Variants in RFX8 observed in about 807,000 individuals in gnomAD.
The protein encoded by RFX8 is regulatory factor X8, also known as DNA-binding protein RFX8.
RFX8 carries 46 observed loss-of-function variants against 54.6 expected under a neutral mutation model. The observed-to-expected ratio is 0.84, with a 90% CI of 0.67 to 1.08. RFX8 has a LOEUF of 1.08. Ranked by LOEUF, RFX8 falls within the 50% of genes least tolerant of loss-of-function variation. RFX8 has a pLI of 0.00. For missense variants in RFX8, 536 were observed against 562.3 expected (o/e 0.95, Z 0.47); for synonymous variants, 192 against 209.5 (o/e 0.92, Z 0.72).
At chr2:101,469,886 C>T (rs1435880775) in intron 1 of RFX8, among the ~76,000 whole-genome samples, 1 of 152,156 alleles carries the variant, frequency 6.6e-6, no homozygotes, top group Non-Finnish European at 1.5e-5. Flanking sequence ...AAAGAAAGGG[C>T]TGCCTTCGGA....
intron 4 of RFX8, 72 bp downstream of exon 4, chr2:101,421,652 G>T: frequency 2.0e-6 from 3 of 1,503,470 alleles, no homozygotes; most frequent in South Asian, 1.3e-5. Context: ...AAATAAAAAT[G>T]ATTAATAAGG....
intron 8 of RFX8, among the ~76,000 whole-genome samples, chr2:101,412,374 T>A (rs1317303680): frequency 2.0e-5 from 3 of 152,144 alleles, no homozygotes; most frequent in Admixed American, 1.3e-4. Flanking sequence ...TGAAAAACAA[T>A]GACAATGATC....
At chr2:101,399,416 A>T (rs1022621998) in intron 11 of RFX8, among the ~76,000 whole-genome samples, 2 of 152,158 alleles carry the variant, frequency 1.3e-5, no homozygotes, top group Non-Finnish European at 1.5e-5. Context: ...TTAATCTCTA[A>T]TGTGTATTAC....
chr2:101,466,252 T>C (rs1689566303), intron 2 of RFX8, among the ~76,000 whole-genome samples: 1 of 146,064 alleles, frequency 6.8e-6, no homozygotes, highest in Admixed American at 7.1e-5. Flanking sequence ...GAGGTTGCAG[T>C]GAGCCAAGAT....
At chr2:101,452,557 C>A in intron 2 of RFX8, 1 of 421,332 alleles carries the variant, frequency 2.4e-6, no homozygotes, top group Non-Finnish European at 4.1e-6. Flanking sequence ...TTCTAATAAG[C>A]AAACAATAAA....
Position 101,414,931 on chromosome 2 carries a change from G to A in RFX8, c.503-19C>T, listed in dbSNP as rs77746399. 1,551 of 1,535,690 alleles carry A rather than the reference G, an allele frequency of 1.0e-3. 12 individuals are homozygous for A. The African/African-American group carries it at 0.018, about 18-fold the overall frequency. ...GTAACTTCTGTTAAGAACAACACAC[G>A]TGGCCATTAATACAATAACTTCAAG... On this transcript the variant is annotated intron_variant, in intron 6 of 11. Transcript: ENST00000428343.
At chr2:101,469,137 A>ACAC (rs1491510932) in intron 1 of RFX8, among the ~76,000 whole-genome samples, 1 of 117,004 alleles carries the variant, frequency 8.5e-6, no homozygotes, top group East Asian at 2.9e-4. Context: ...TATATATATA[A>ACAC]GTATATATAT....
intron 2 of RFX8, among the ~76,000 whole-genome samples, chr2:101,457,172 A>AT (rs1235055419): frequency 4.6e-5 from 7 of 151,910 alleles, no homozygotes; most frequent in Admixed American, 3.3e-4. Context: ...GGATTCATTG[A>AT]TTTTTTTGAA....
chr2:101,454,941 C>T (rs188072302), intron 2 of RFX8, among the ~76,000 whole-genome samples: 5,825 of 151,688 alleles, frequency 0.038, 376 homozygotes, highest in African/African-American at 0.13. Flanking sequence ...GTTGCCATTG[C>T]TTTTGGTGTT....
chr2:101,436,788 C>T (rs1160105290), intron 2 of RFX8, among the ~76,000 whole-genome samples: 3 of 152,182 alleles, frequency 2.0e-5, no homozygotes, highest in Non-Finnish European at 2.9e-5. Flanking sequence ...AGGGGGGCAG[C>T]GCTCTGGTCC....
chr2:101,410,236 C>T (rs1307157937), intron 9 of RFX8, among the ~76,000 whole-genome samples: 1 of 151,860 alleles, frequency 6.6e-6, no homozygotes, highest in Non-Finnish European at 1.5e-5. Flanking sequence ...CTCACCCACA[C>T]ATACATACTG....
At chr2:101,473,431 A>C (rs1298608681) in intron 1 of RFX8, among the ~76,000 whole-genome samples, 1 of 152,146 alleles carries the variant, frequency 6.6e-6, no homozygotes, top group African/African-American at 2.4e-5. Flanking sequence ...CATTGAAGAT[A>C]AGACATGTCA....
chr2:101,448,562 C>T (rs549567115), intron 2 of RFX8, among the ~76,000 whole-genome samples: 1 of 152,270 alleles, frequency 6.6e-6, no homozygotes, highest in Admixed American at 6.5e-5. Flanking sequence ...TCTTTGAGTT[C>T]TTATGGTACC....
intron 7 of RFX8, 37 bp from the exon 8 acceptor site, chr2:101,413,108 C>T: frequency 6.6e-7 from 1 of 1,523,518 alleles, no homozygotes; most frequent in East Asian, 2.5e-5. Flanking sequence ...TTAATTCAAT[C>T]TGGTCATTTT....
At chr2:101,429,111 T>C in intron 2 of RFX8, 1 of 746,518 alleles carries the variant, frequency 1.3e-6, no homozygotes, top group Non-Finnish European at 2.3e-6. Flanking sequence ...AGGTTATTTG[T>C]TTAGGGGTAT....
At chr2:101,432,363 C>G (rs1290170402) in intron 2 of RFX8, among the ~76,000 whole-genome samples, 1 of 152,174 alleles carries the variant, frequency 6.6e-6, no homozygotes, top group East Asian at 1.9e-4. Context: ...GGTCCACGTT[C>G]AGGTCACCAG....
At chr2:101,448,214 G>T (rs1181464971) in intron 2 of RFX8, among the ~76,000 whole-genome samples, 1 of 152,116 alleles carries the variant, frequency 6.6e-6, no homozygotes, top group Non-Finnish European at 1.5e-5. Context: ...AAAGCTCCAT[G>T]GTTTCTGCCC....
chr2:101,419,322 A>T (rs553396708), intron 4 of RFX8, among the ~76,000 whole-genome samples: 1 of 152,316 alleles, frequency 6.6e-6, no homozygotes, highest in Non-Finnish European at 1.5e-5. Flanking sequence ...TGACTGACTG[A>T]CTGACTGCCT....
At chr2:101,421,922 A>G (rs986460696) in intron 3 of RFX8, 145 bp from the exon 4 acceptor site, 3 of 618,758 alleles carry the variant, frequency 4.8e-6, no homozygotes, top group Middle Eastern at 2.6e-4. Context: ...GGGCCACAGC[A>G]TTTTTTTTGT....
Sources: gnomAD v4.1 joint callset for allele counts (sites outside exome capture counted in the v4.1 genomes callset) on GRCh38, gnomAD v4.1.1 for gene constraint, MANE v1.5 for transcripts, NCBI Gene and HGNC (gene_info 2026-07-23, HGNC 2026-07-21) for gene names.